Variants in RAD54L observed in about 807,000 individuals in gnomAD.
RAD54L encodes the protein RAD54 like.
Under a neutral mutation model 91.6 loss-of-function variants are expected in RAD54L, and 74 were observed. That is an observed-to-expected ratio of 0.81 (90% confidence interval 0.67 to 0.98). The LOEUF (loss-of-function observed/expected upper bound fraction) is 0.98. RAD54L is among the 50% of genes least tolerant of loss of function. RAD54L has a pLI of 0.00. For synonymous variants in RAD54L, 304 were observed against 349.7 expected (o/e 0.87, Z 1.46); for missense variants, 887 against 945.7 (o/e 0.94, Z 0.81).
Position 46,262,716 on chromosome 1 carries a change from A to G in RAD54L, c.891+1331A>G, listed in dbSNP as rs902037732. Among the ~76,000 whole-genome samples the G allele has an allele frequency of 2.0e-5, 3 of 152,230 alleles. No homozygotes were observed. The East Asian group carries it at 5.8e-4, about 29-fold the overall frequency. ...TGAGGGAGGCCACCTGGGGAGAGGC[A>G]TGGCGTTCTATCTGCAGCTATCTGT... On this transcript the variant is annotated intron_variant, in intron 8 of 17. Transcript: ENST00000371975.
intron 2 of RAD54L, among the ~76,000 whole-genome samples, 192 bp from the exon 3 acceptor site, chr1:46,249,808 C>A (rs1571709794): frequency 6.6e-6 from 1 of 152,294 alleles, no homozygotes; most frequent in African/African-American, 2.4e-5. Flanking sequence ...TCTCATTAAG[C>A]TCTAGTTTTC....
At position 46,267,503 on chromosome 1, in the gene RAD54L, G is replaced by A. The variant is rs763503794; in HGVS notation, c.936G>A (p.Leu312=). Reference sequence around the variant, plus strand: ...CTGAGAATCAGACTTACCAAGCCCTGGACAGCTTGAACACCAGCCGGCGGG... The same window carrying A: ...CTGAGAATCAGACTTACCAAGCCCTAGACAGCTTGAACACCAGCCGGCGGG... ...KNSENQTYQA[L]DSLNTSRRVL... Residue 312 remains leucine (L), a synonymous_variant, in exon 9 of 18, where the codon CTG becomes CTA. Coordinates refer to ENST00000371975, the MANE Select transcript of RAD54L (RefSeq NM_003579.4). 5 of 1,614,112 alleles carry A rather than the reference G, an allele frequency of 3.1e-6. No individual in the cohort carries two copies. In the South Asian group the frequency reaches 3.3e-5, roughly 11 times the overall value.
In RAD54L at chr1:46,260,034, A is replaced by G. The variant is rs1210891649; in HGVS notation, c.342A>G (p.Glu114=). The G allele has an allele frequency of 6.2e-7, 1 of 1,614,054 alleles. No homozygotes were observed. Among genetic ancestry groups the G allele is most frequent in the Non-Finnish European group, 8.5e-7 (1 of 1,180,042 alleles). The change falls in exon 5 of 18, where the codon GAA becomes GAG. Residue 114 remains glutamate (E), a synonymous_variant. Transcript: ENST00000371975. ...GCCGGGCCCTCCATGACCCCCTGGAAAAAGATGCCTTGGTTCTGTATGAGC... is the reference window on the plus strand; with the variant it reads ...GCCGGGCCCTCCATGACCCCCTGGAGAAAGATGCCTTGGTTCTGTATGAGC... ...GVRRALHDPL[E]KDALVLYEPP...
In RAD54L at chr1:46,250,003, C is replaced by T. The variant is rs776452553; in HGVS notation, c.94C>T (p.Pro32Ser). The change falls in exon 3 of 18, where the codon CCT becomes TCT. Residue 32 changes from proline to serine, a missense_variant. Coordinates refer to ENST00000371975, the MANE Select transcript of RAD54L (RefSeq NM_003579.4). Reference sequence around the variant, plus strand: ...CTTTCCCAATTCTCTCTCCTAGACTCCTAGGAAACGGAAATCCAGCAGTGA... The same window carrying T: ...CTTTCCCAATTCTCTCTCCTAGACTTCTAGGAAACGGAAATCCAGCAGTGA... ...DEDWQPGLVT[P>S]RKRKSSSETQ... is the part of the protein sequence containing the mutation. 6.2e-7 allele frequency: 1 copy of T among 1,613,900 alleles called. No homozygotes were observed. Among genetic ancestry groups the T allele is most frequent in the East Asian group, 2.2e-5 (1 of 44,882 alleles).
At chr1:46,269,012 G>T (rs1257390945) in intron 9 of RAD54L, among the ~76,000 whole-genome samples, 1 of 151,994 alleles carries the variant, frequency 6.6e-6, no homozygotes, top group East Asian at 1.9e-4. Context: ...TGATTCTCTT[G>T]TATCAGCCTC....
chr1:46,270,567 G>A, intron 9 of RAD54L, 92 bp from the exon 10 acceptor site: 1 of 1,535,262 alleles, frequency 6.5e-7, no homozygotes, highest in Middle Eastern at 1.7e-4. Context: ...TGGTAGGAAG[G>A]CTGGTTTGTG....
intron 3 of RAD54L, among the ~76,000 whole-genome samples, chr1:46,255,358 C>T (rs996732964): frequency 1.3e-5 from 2 of 152,028 alleles, no homozygotes; most frequent in Admixed American, 6.6e-5. Flanking sequence ...TGCTGTCTCT[C>T]ATCTATCAGA....
At position 46,273,666 on chromosome 1, in the gene RAD54L, G is replaced by A. The variant is rs2148302020; in HGVS notation, c.1529G>A (p.Ser510Asn). ...VLDYILAVTR[S>N]RSSDKVVLVS... ...GATTATATTCTGGCGGTGACCCGAAGCCGTAGCAGTGACAAAGTAGTGCTG... is the reference window on the plus strand; with the variant it reads ...GATTATATTCTGGCGGTGACCCGAAACCGTAGCAGTGACAAAGTAGTGCTG... Residue 510 changes from serine to asparagine, a missense_variant, in exon 14 of 18, where the codon AGC (serine) becomes AAC (asparagine). Ser to Asn is a conservative substitution (Grantham distance 46). Coordinates refer to ENST00000371975, the MANE Select transcript of RAD54L (RefSeq NM_003579.4). 2 of 1,614,038 alleles carry A rather than the reference G, an allele frequency of 1.2e-6. No individual in the cohort carries two copies. The highest frequency in any genetic ancestry group is 1.7e-6 in the Non-Finnish European group (2 of 1,180,018).
At chr1:46,277,747 T>C in intron 16 of RAD54L, 70 bp from the exon 17 acceptor site, 1 of 1,518,762 alleles carries the variant, frequency 6.6e-7, no homozygotes, top group African/African-American at 1.4e-5. Context: ...CCCTTTGGTT[T>C]TCCTGCTCCC....
chr1:46,270,091 C>G (rs997862848), intron 9 of RAD54L, among the ~76,000 whole-genome samples: 13 of 151,730 alleles, frequency 8.6e-5, no homozygotes, highest in African/African-American at 2.9e-4. Context: ...AAAAATTGGC[C>G]GGGCACGGTG....
chr1:46,256,558 A>G (rs1279313365), intron 3 of RAD54L, among the ~76,000 whole-genome samples: 1 of 151,330 alleles, frequency 6.6e-6, no homozygotes, highest in African/African-American at 2.4e-5. Context: ...CCCTTGAGCC[A>G]GGACTTAGAG....
intron 10 of RAD54L, among the ~76,000 whole-genome samples, chr1:46,271,928 A>T (rs1660439491): frequency 6.6e-6 from 1 of 150,586 alleles, no homozygotes; most frequent in African/African-American, 2.4e-5. Context: ...ATTGAAGGGG[A>T]AGAGAAAGTG....
At position 46,260,854 on chromosome 1, in the gene RAD54L, G is replaced by T. The variant is rs761573792; in HGVS notation, c.605G>T (p.Arg202Leu). ...QCITLMWTLL[R>L]QSPECKPEID... ...ATCACATTGATGTGGACACTTTTACGCCAGAGTCCAGAGTGCAAGCCAGAA... is the reference window on the plus strand; with the variant it reads ...ATCACATTGATGTGGACACTTTTACTCCAGAGTCCAGAGTGCAAGCCAGAA... Residue 202 changes from arginine (R) to leucine (L), a missense_variant, in exon 7 of 18, where the codon CGC becomes CTC. Transcript: ENST00000371975. 1.2e-6 allele frequency: 2 copies of T among 1,614,086 alleles called. No homozygotes were observed. Among genetic ancestry groups the T allele is most frequent in the Admixed American group, 3.3e-5 (2 of 60,002 alleles).
intron 3 of RAD54L, among the ~76,000 whole-genome samples, chr1:46,253,232 GGTT>G (rs1327147051): frequency 6.6e-6 from 1 of 152,228 alleles, no homozygotes; most frequent in Non-Finnish European, 1.5e-5. Flanking sequence ...GTTTGTTTAT[GGTT>G]GTTATAAAAT....
intron 8 of RAD54L, among the ~76,000 whole-genome samples, chr1:46,266,611 A>C (rs2148294074): frequency 6.6e-6 from 1 of 152,344 alleles, no homozygotes; most frequent in Non-Finnish European, 1.5e-5. Flanking sequence ...GAAGGGAAGC[A>C]GAGGGAAGCT....
intron 3 of RAD54L, among the ~76,000 whole-genome samples, chr1:46,256,136 G>A (rs1241383391): frequency 1.3e-5 from 2 of 151,810 alleles, no homozygotes; most frequent in Non-Finnish European, 2.9e-5. Flanking sequence ...GGAGTGCAGT[G>A]GTGTAGTTGT....
In RAD54L at chr1:46,261,383, G is replaced by A. The variant is rs1251722197; in HGVS notation, c.889G>A (p.Glu297Lys). 2.5e-6 allele frequency: 4 copies of A among 1,613,998 alleles called. No homozygotes were observed. Among genetic ancestry groups the A allele is most frequent in the South Asian group, 1.1e-5 (1 of 91,062 alleles). Residue 297 changes from glutamate to lysine, a missense_variant and splice_region_variant, in exon 8 of 18, where the codon GAG becomes AAG. Glu to Lys is a moderately conservative substitution (Grantham distance 56). Transcript: ENST00000371975. ...KGSVGLVICD[E>K]GHRLKNSENQ... ...AAGTGTTGGTCTGGTCATATGTGAC[G>A]AGGTACTTGACTCTCAGCAGTCTGG...
chr1:46,261,462 C>A, intron 8 of RAD54L, 77 bp downstream of exon 8: 1 of 1,557,122 alleles, frequency 6.4e-7, no homozygotes, highest in Non-Finnish European at 8.8e-7. Context: ...CTTCCAAGGG[C>A]TGTGCTAGTC....
At chr1:46,252,708 A>C (rs910450004) in intron 3 of RAD54L, among the ~76,000 whole-genome samples, 1 of 152,122 alleles carries the variant, frequency 6.6e-6, no homozygotes, top group Non-Finnish European at 1.5e-5. Context: ...AGTTCAATGT[A>C]TTATACAAGA....
Sources: gnomAD v4.1 joint callset for allele counts (sites outside exome capture counted in the v4.1 genomes callset) on GRCh38, gnomAD v4.1.1 for gene constraint, MANE v1.5 for transcripts, NCBI Gene and HGNC (gene_info 2026-07-23, HGNC 2026-07-21) for gene names.